The following PMEPA1 variants were observed in gnomAD, a reference collection of about 807,000 sequenced individuals.
The protein encoded by PMEPA1 is prostate transmembrane protein, androgen induced 1.
In PMEPA1, 11 loss-of-function variants were observed where a neutral mutation model predicts 23.0. That is an observed-to-expected ratio of 0.48 (90% CI 0.30 to 0.79). The LOEUF (loss-of-function observed/expected upper bound fraction) is 0.79, where lower values mean the gene tolerates loss of function less well. PMEPA1 is among the 30% of genes least tolerant of loss of function. PMEPA1 has a pLI of 0.06. For synonymous variants in PMEPA1, 204 were observed against 166.4 expected, an observed-to-expected ratio of 1.23 and a Z score of -1.74; for missense variants, 377 against 390.9, an observed-to-expected ratio of 0.96 and a Z score of 0.30.
chr20:57,660,323 A>T (rs984760758), intron 1 of PMEPA1, among the ~76,000 whole-genome samples: 11 of 151,854 alleles, frequency 7.2e-5, no homozygotes, highest in African/African-American at 2.4e-4. Flanking sequence ...ACACACCAAC[A>T]CTCCTACACA....
intron 1 of PMEPA1, among the ~76,000 whole-genome samples, chr20:57,661,822 C>T (rs1294515299): frequency 6.6e-6 from 1 of 152,224 alleles, no homozygotes; most frequent in African/African-American, 2.4e-5. Flanking sequence ...GCAGACGCCT[C>T]TCCACACAGA....
At chr20:57,678,076 T>G (rs1300195354) in intron 1 of PMEPA1, among the ~76,000 whole-genome samples, 1 of 152,234 alleles carries the variant, frequency 6.6e-6, no homozygotes, top group Non-Finnish European at 1.5e-5. Flanking sequence ...TAGAATGAGA[T>G]GTTCTTGTGA....
intron 1 of PMEPA1, among the ~76,000 whole-genome samples, chr20:57,660,988 ACAC>A (rs2071411150): frequency 6.6e-6 from 1 of 152,158 alleles, no homozygotes. Context: ...GCCCACACAC[ACAC>A]ATCCATCCCA....
At chr20:57,708,605 T>C (rs921545764) in intron 1 of PMEPA1, among the ~76,000 whole-genome samples, 4 of 152,260 alleles carry the variant, frequency 2.6e-5, no homozygotes, top group Admixed American at 1.3e-4. Flanking sequence ...TTGACTCCTT[T>C]GTAACCATGG....
chr20:57,685,651 T>C (rs1167588453), intron 1 of PMEPA1, among the ~76,000 whole-genome samples: 2 of 152,118 alleles, frequency 1.3e-5, no homozygotes, highest in African/African-American at 4.8e-5. Context: ...TCATCTGTGA[T>C]TGGGCTGCCC....
chr20:57,670,510 A>G (rs867067078), intron 1 of PMEPA1, among the ~76,000 whole-genome samples: 44 of 152,126 alleles, frequency 2.9e-4, no homozygotes, highest in Non-Finnish European at 7.4e-5. Context: ...TGCCAGGATC[A>G]AGGCTGACAC....
intron 1 of PMEPA1, among the ~76,000 whole-genome samples, chr20:57,685,133 T>A (rs1035778162): frequency 6.7e-6 from 1 of 150,372 alleles, no homozygotes; most frequent in African/African-American, 2.5e-5. Context: ...AGAACGTGCA[T>A]CTGCAGAACG....
chr20:57,696,047 G>GGACCACTTT (rs2071939265), intron 1 of PMEPA1, among the ~76,000 whole-genome samples: 3 of 152,246 alleles, frequency 2.0e-5, no homozygotes, highest in African/African-American at 7.2e-5. Context: ...CTGGTCACAG[G>GGACCACTTT]GACCACTTTC....
At chr20:57,685,103 G>C (rs887294667) in intron 1 of PMEPA1, among the ~76,000 whole-genome samples, 1 of 151,894 alleles carries the variant, frequency 6.6e-6, no homozygotes, top group Admixed American at 6.6e-5. Context: ...TGTAACCAGA[G>C]GGAAAAGCCA....
chr20:57,688,476 T>C (rs1224005852), intron 1 of PMEPA1, among the ~76,000 whole-genome samples: 1 of 152,064 alleles, frequency 6.6e-6, no homozygotes. Context: ...CTCCAGACAC[T>C]GCCAATGTCC....
chr20:57,657,615 T>G (rs187187840), intron 2 of PMEPA1, among the ~76,000 whole-genome samples: 3,109 of 152,286 alleles, frequency 0.02, 53 homozygotes, highest in Non-Finnish European at 0.031. Flanking sequence ...CCCGGGTCTG[T>G]GGGCCAGGCA....
intron 1 of PMEPA1, among the ~76,000 whole-genome samples, chr20:57,678,041 G>C (rs936710065): frequency 2.6e-5 from 4 of 152,244 alleles, no homozygotes; most frequent in African/African-American, 9.6e-5. Context: ...TCATGGGTAA[G>C]GGGGTGGATA....
rs555944892 is a variant in PMEPA1, at chr20:57,681,889, C to T, written c.110-22192G>A. On this transcript the variant is annotated intron_variant, in intron 1 of 3. Coordinates refer to ENST00000341744, the MANE Select transcript of PMEPA1 (RefSeq NM_020182.5). ...GGTACTCCCCCCAAGGTCTTCCCAC[C>T]GCTGACTCCTTCTCATCCCTCATTC... Among the ~76,000 whole-genome samples, 12 of 152,278 alleles carry T rather than the reference C, an allele frequency of 7.9e-5. No individual in the cohort carries two copies. In the East Asian group the frequency reaches 1.4e-3, roughly 17 times the overall value.
chr20:57,699,905 C>A, intron 1 of PMEPA1: 2 of 395,840 alleles, frequency 5.1e-6, no homozygotes, highest in South Asian at 1.9e-5. Flanking sequence ...CCGGCCTCGG[C>A]GGTTGGAACG....
chr20:57,659,597 C>A lies in PMEPA1; in HGVS notation c.210G>T (p.Arg70=), dbSNP rs777677830. 1.2e-6 allele frequency: 2 copies of A among 1,613,710 alleles called. No homozygotes were observed. The highest frequency in any genetic ancestry group is 8.5e-7 in the Non-Finnish European group (1 of 1,179,934). Residue 70 remains arginine, a synonymous_variant, in exon 2 of 4, where the codon CGG becomes CGT. Transcript: ENST00000341744. ...CLLSHYKLSA[R]SFISRHSQGR... ...CCTGGCTGTGCCGGCTGATGAAGGA[C>A]CGTGCAGACAGCTTGTAGTGGCTCA...
intron 1 of PMEPA1, among the ~76,000 whole-genome samples, chr20:57,689,303 G>A (rs1012464727): frequency 6.6e-6 from 1 of 152,154 alleles, no homozygotes; most frequent in Non-Finnish European, 1.5e-5. Context: ...CCCAACTCCT[G>A]ACCCTTCGGA....
intron 1 of PMEPA1, among the ~76,000 whole-genome samples, chr20:57,687,915 G>A (rs1309315397): frequency 6.6e-6 from 1 of 152,054 alleles, no homozygotes; most frequent in Non-Finnish European, 1.5e-5. Context: ...TAGTCTATGG[G>A]TTCCCTGTCC....
intron 1 of PMEPA1, among the ~76,000 whole-genome samples, chr20:57,707,619 A>G (rs1162385534): frequency 6.6e-6 from 1 of 152,062 alleles, no homozygotes; most frequent in African/African-American, 2.4e-5. Flanking sequence ...TGATGAGCCT[A>G]AGAAAGGACA....
chr20:57,695,378 G>A (rs777456915), intron 1 of PMEPA1, among the ~76,000 whole-genome samples: 11 of 152,354 alleles, frequency 7.2e-5, no homozygotes, highest in Admixed American at 5.9e-4. Context: ...CCAGGTCTCT[G>A]GTACCCGTTA....
Sources: gnomAD v4.1 joint callset for allele counts (sites outside exome capture counted in the v4.1 genomes callset) on GRCh38, gnomAD v4.1.1 for gene constraint, MANE v1.5 for transcripts, NCBI Gene and HGNC (gene_info 2026-07-23, HGNC 2026-07-21) for gene names.